Variants in CDH18 observed in about 807,000 individuals in gnomAD.
CDH18 encodes the protein cadherin 18.
A neutral mutation model predicts 67.9 loss-of-function variants in CDH18; 31 were observed. The observed-to-expected ratio is 0.46, with a 90% CI of 0.34 to 0.62. CDH18 has a LOEUF of 0.62. Among genes scored for constraint, CDH18 ranks in the 20% least tolerant of loss-of-function variants. CDH18 has a pLI of 0.01. For synonymous variants in CDH18, 362 were observed against 347.2 expected, an observed-to-expected ratio of 1.04 and a Z score of -0.48; for missense variants, 890 against 975.5, an observed-to-expected ratio of 0.91 and a Z score of 1.17.
intron 1 of CDH18, among the ~76,000 whole-genome samples, chr5:20,537,156 A>T (rs149132982): frequency 2.7e-3 from 407 of 152,218 alleles, no homozygotes; most frequent in African/African-American, 9.4e-3. Flanking sequence ...TTGTAAATAG[A>T]GTTTTGCTCA....
chr5:19,965,953 C>A (rs1178820765), intron 2 of CDH18, among the ~76,000 whole-genome samples: 3 of 152,108 alleles, frequency 2.0e-5, no homozygotes, highest in Non-Finnish European at 4.4e-5. Context: ...ATTTGCTTTT[C>A]TTTTACTACA....
chr5:19,635,185 C>T (rs1752963871), intron 5 of CDH18, among the ~76,000 whole-genome samples: 1 of 152,152 alleles, frequency 6.6e-6, no homozygotes, highest in South Asian at 2.1e-4. Flanking sequence ...TCTATTGATG[C>T]TAGTTTTGCT....
At chr5:19,982,989 C>T (rs13175331) in intron 1 of CDH18, among the ~76,000 whole-genome samples, 4 of 56,870 alleles carry the variant, frequency 7.0e-5, no homozygotes, top group Admixed American at 1.8e-4. Flanking sequence ...GCTTGCAGTG[C>T]GCCACTGTCG....
intron 2 of CDH18, among the ~76,000 whole-genome samples, chr5:20,014,095 C>A (rs2388128): frequency 6.6e-6 from 1 of 152,054 alleles, no homozygotes; most frequent in African/African-American, 2.4e-5. Context: ...TAGGCATTCC[C>A]CAAATATGAC....
chr5:20,261,435 G>T (rs1037446785), intron 1 of CDH18, among the ~76,000 whole-genome samples: 1 of 152,138 alleles, frequency 6.6e-6, no homozygotes, highest in East Asian at 1.9e-4. Context: ...AACAATAAGT[G>T]TTTTGTAAAT....
At position 19,680,517 on chromosome 5, in the gene CDH18, C is replaced by A. The variant is rs1254949622; in HGVS notation, c.643+40830G>T. On this transcript the variant is annotated intron_variant, in intron 5 of 12. Coordinates refer to ENST00000382275, the MANE Select transcript of CDH18 (RefSeq NM_004934.5). ...ATATAATTTGATAAATATTTGCAAA[C>A]TGTGCATCTAATAAATGTATAATAG... 2.0e-5 allele frequency among the ~76,000 whole-genome samples: 3 copies of A among 151,824 alleles called. No individual in the cohort carries two copies. In the East Asian group the frequency reaches 5.8e-4, roughly 29 times the overall value.
At chr5:20,557,367 A>G (rs1421623012) in intron 1 of CDH18, among the ~76,000 whole-genome samples, 1 of 152,166 alleles carries the variant, frequency 6.6e-6, no homozygotes, top group Non-Finnish European at 1.5e-5. Context: ...TGGTGTTCAG[A>G]TAAAAATAGT....
intron 2 of CDH18, among the ~76,000 whole-genome samples, chr5:20,130,338 T>C (rs1355206237): frequency 6.6e-6 from 1 of 151,196 alleles, no homozygotes; most frequent in Non-Finnish European, 1.5e-5. Context: ...GCTGCAGATT[T>C]AAGGAAGAGT....
chr5:19,593,984 C>T (rs890055192), intron 6 of CDH18, among the ~76,000 whole-genome samples: 4 of 151,788 alleles, frequency 2.6e-5, no homozygotes, highest in African/African-American at 4.8e-5. Flanking sequence ...TCAAGACTAA[C>T]GTCATAAAGC....
At chr5:19,742,901 T>G (rs966559969) in intron 4 of CDH18, among the ~76,000 whole-genome samples, 2 of 152,248 alleles carry the variant, frequency 1.3e-5, no homozygotes, top group Non-Finnish European at 2.9e-5. Flanking sequence ...TACATTATTA[T>G]TAGTCTTCAG....
intron 7 of CDH18, among the ~76,000 whole-genome samples, chr5:19,574,733 G>A (rs1228636412): frequency 6.7e-6 from 1 of 148,546 alleles, no homozygotes; most frequent in African/African-American, 2.6e-5. Flanking sequence ...TGTCTTCCAC[G>A]CTTTCTTAGT....
At chr5:20,150,533 G>T (rs1489551739) in intron 2 of CDH18, among the ~76,000 whole-genome samples, 1 of 151,988 alleles carries the variant, frequency 6.6e-6, no homozygotes, top group Non-Finnish European at 1.5e-5. Context: ...GCTGTGATAG[G>T]GATGGACCAC....
rs145401044 is a variant in CDH18 at position 19,527,021 on chromosome 5, T to C, written c.1391-6243A>G. Among the ~76,000 whole-genome samples, 653 of 152,084 alleles carry C rather than the reference T, an allele frequency of 4.3e-3. 9 individuals carry two copies. Among genetic ancestry groups the C allele is most frequent in the African/African-American group, 0.015 (611 of 41,568 alleles). On this transcript the variant is annotated intron_variant, in intron 9 of 12. Coordinates refer to ENST00000382275, the MANE Select transcript of CDH18 (RefSeq NM_004934.5). ...TTTAGATTTCTATGAAAAGATTTCC[T>C]TATAGGAAAATTTAGAACTAAAATT...
At chr5:20,227,036 T>C (rs924740399) in intron 2 of CDH18, among the ~76,000 whole-genome samples, 5 of 152,208 alleles carry the variant, frequency 3.3e-5, no homozygotes, top group Non-Finnish European at 7.4e-5. Flanking sequence ...CCATACACAA[T>C]AGCTTGCCCA....
intron 2 of CDH18, among the ~76,000 whole-genome samples, chr5:20,240,161 AT>A (rs1218098694): frequency 2.6e-5 from 4 of 152,104 alleles, no homozygotes; most frequent in Non-Finnish European, 5.9e-5. Flanking sequence ...TTAAAGTATA[AT>A]TAAAAAAAAA....
intron 1 of CDH18, among the ~76,000 whole-genome samples, chr5:20,293,896 G>A (rs1038938261): frequency 2.6e-5 from 4 of 152,172 alleles, no homozygotes; most frequent in African/African-American, 9.7e-5. Flanking sequence ...TAGGATAGAA[G>A]TGTACTGTTG....
At chr5:20,028,346 C>A (rs1283440178) in intron 2 of CDH18, among the ~76,000 whole-genome samples, 1 of 152,066 alleles carries the variant, frequency 6.6e-6, no homozygotes, top group Admixed American at 6.6e-5. Flanking sequence ...ACAAAGATAA[C>A]ACCGAAATTT....
chr5:19,580,776 A>G (rs1021490949), intron 7 of CDH18, among the ~76,000 whole-genome samples: 2 of 151,980 alleles, frequency 1.3e-5, no homozygotes, highest in African/African-American at 4.8e-5. Flanking sequence ...ATTTAAACTC[A>G]GGCAGAGGAA....
At chr5:20,437,941 A>C (rs2150185607) in intron 1 of CDH18, among the ~76,000 whole-genome samples, 1 of 151,468 alleles carries the variant, frequency 6.6e-6, no homozygotes, top group Admixed American at 6.6e-5. Context: ...GCTTTATAAA[A>C]ATTTAAAAGA....
Sources: allele counts gnomAD v4.1 joint callset (sites outside exome capture counted in the v4.1 genomes callset), GRCh38; gene constraint gnomAD v4.1.1; transcripts MANE v1.5; gene names NCBI Gene and HGNC (gene_info 2026-07-23, HGNC 2026-07-21).